The following LCT variants were observed in gnomAD, a reference collection of about 807,000 sequenced individuals.
The protein encoded by LCT is lactase/phlorizin hydrolase.
LCT carries 90 observed loss-of-function variants against 173.0 expected under a neutral mutation model. That is an observed-to-expected ratio of 0.52 (90% CI 0.44 to 0.62). The LOEUF (loss-of-function observed/expected upper bound fraction) is 0.62. LCT is among the 20% of genes least tolerant of loss of function. The pLI is 0.00. For synonymous variants in LCT, 853 were observed against 957.6 expected, an observed-to-expected ratio of 0.89 and a Z score of 2.02; for missense variants, 1,864 against 2,431.4, an observed-to-expected ratio of 0.77 and a Z score of 4.91.
intron 9 of LCT, 125 bp downstream of exon 9, chr2:135,807,003 T>G (rs989734112): frequency 1.8e-6 from 2 of 1,112,244 alleles, no homozygotes; most frequent in Admixed American, 1.9e-5. Context: ...CCAGACCCCA[T>G]GCTGCCCCTC....
At chr2:135,800,898 TG>T in intron 11 of LCT, 89 bp from the exon 12 acceptor site, 1 of 1,028,804 alleles carries the variant, frequency 9.7e-7, no homozygotes, top group Admixed American at 1.9e-5. Context: ...GTCCCCTCTG[TG>T]TTTGGGAGAA....
chr2:135,797,584 C>T (rs1036239608), intron 13 of LCT, among the ~76,000 whole-genome samples: 2 of 152,194 alleles, frequency 1.3e-5, no homozygotes, highest in African/African-American at 4.8e-5. Context: ...GATGGGTAAA[C>T]GTTGGCTGCT....
intron 9 of LCT, among the ~76,000 whole-genome samples, chr2:135,805,898 C>T (rs1032200850): frequency 6.6e-5 from 10 of 152,212 alleles, no homozygotes; most frequent in Middle Eastern, 3.4e-3. Flanking sequence ...ACATGCAGGC[C>T]GGGTGCTGTG....
At chr2:135,827,374 G>A (rs926077669) in intron 3 of LCT, among the ~76,000 whole-genome samples, 5 of 152,188 alleles carry the variant, frequency 3.3e-5, no homozygotes, top group Admixed American at 2.6e-4. Flanking sequence ...ACCTTAGGGT[G>A]TGTTTTGAGA....
chr2:135,824,012 G>A lies in LCT; in HGVS notation c.805-9C>T. 6.3e-7 allele frequency: 1 copy of A among 1,587,860 alleles called. No individual in the cohort carries two copies. Among genetic ancestry groups the A allele is most frequent in the Non-Finnish European group, 8.7e-7 (1 of 1,155,976 alleles). On this transcript the variant is annotated splice_polypyrimidine_tract_variant and intron_variant, in intron 3 of 16. Transcript: ENST00000264162. Reference sequence around the variant, plus strand: ...ACTTTTGGCTCAATGGTCTGAAAAAGAGAAGGACCAGCAAGTGAACTGAAG... The same window carrying A: ...ACTTTTGGCTCAATGGTCTGAAAAAAAGAAGGACCAGCAAGTGAACTGAAG...
intron 3 of LCT, among the ~76,000 whole-genome samples, chr2:135,826,961 C>T (rs914549320): frequency 6.6e-6 from 1 of 152,100 alleles, no homozygotes; most frequent in African/African-American, 2.4e-5. Flanking sequence ...ATGTTCCAAA[C>T]CCTTGGACTT....
chr2:135,794,919 G>T, intron 13 of LCT, 144 bp from the exon 14 acceptor site: 1 of 897,100 alleles, frequency 1.1e-6, no homozygotes, highest in Non-Finnish European at 1.8e-6. Context: ...AGGAGAAGAG[G>T]TCCTTCAGGC....
In LCT at chr2:135,817,968, C is replaced by A. The variant is rs753391989; in HGVS notation, c.1080G>T (p.Gln360His). The A allele has an allele frequency of 6.2e-7, 1 of 1,613,848 alleles. No homozygotes were observed. Residue 360 changes from glutamine to histidine, a missense_variant, in exon 6 of 17, where the codon CAG becomes CAT. Gln to His is a conservative substitution (Grantham distance 24). This residue lies in a region of LCT where 412 missense variants were observed against 462.0 expected (regional missense o/e 0.89). Coordinates refer to ENST00000264162, the MANE Select transcript of LCT (RefSeq NM_002299.4). The stretch of plus-strand genomic sequence containing the variant: ...GATTGGCAAATGCTTCCCAGATTCT[C>A]TGATAGGCAGAGGCAGGAGAGGAGT... ...TTDSSPASAY[Q>H]RIWEAFANQS...
intron 11 of LCT, among the ~76,000 whole-genome samples, chr2:135,801,254 C>T (rs1293775462): frequency 1.3e-5 from 2 of 152,130 alleles, no homozygotes; most frequent in Non-Finnish European, 2.9e-5. Flanking sequence ...CAAATCAAAT[C>T]AGATGGTGGC....
chr2:135,825,908 G>T (rs2077885587), intron 3 of LCT, among the ~76,000 whole-genome samples: 1 of 152,214 alleles, frequency 6.6e-6, no homozygotes, highest in Non-Finnish European at 1.5e-5. Context: ...AAGGTGGGCA[G>T]CACGATTCAG....
At position 135,836,017 on chromosome 2, in the gene LCT, T is replaced by C. The variant is rs1303988279; in HGVS notation, c.640+513A>G. Among the ~76,000 whole-genome samples, 15 of 11,804 alleles carry C rather than the reference T, an allele frequency of 1.3e-3. 1 individual carries two copies. Among genetic ancestry groups the C allele is most frequent in the African/African-American group, 1.9e-3 (14 of 7,400 alleles). 7.7% of individuals were successfully genotyped at this position (11,804 alleles called of 152,430 possible). On this transcript the variant is annotated intron_variant, in intron 1 of 16. Coordinates refer to ENST00000264162, the MANE Select transcript of LCT (RefSeq NM_002299.4). ...ATATATATATATATATATATATATG[T>C]ATACATATTTTTTTTTTTTGAGATT...
intron 12 of LCT, among the ~76,000 whole-genome samples, chr2:135,800,242 T>C (rs2077614358): frequency 6.6e-6 from 1 of 152,090 alleles, no homozygotes; most frequent in South Asian, 2.1e-4. Flanking sequence ...ATAATTCTTC[T>C]TTTTGGGGGT....
intron 12 of LCT, 96 bp from the exon 13 acceptor site, chr2:135,798,234 C>G (rs2077598850): frequency 1.3e-6 from 1 of 771,744 alleles, no homozygotes; most frequent in Non-Finnish European, 2.4e-6. Context: ...CTCACAACCT[C>G]CCTCCTTTTC....
intron 6 of LCT, among the ~76,000 whole-genome samples, chr2:135,815,516 A>G (rs1183477282): frequency 6.6e-6 from 1 of 152,080 alleles, no homozygotes; most frequent in African/African-American, 2.4e-5. Flanking sequence ...TTGACATTTC[A>G]TTGAGTTATT....
intron 6 of LCT, among the ~76,000 whole-genome samples, chr2:135,814,751 G>A (rs527304965): frequency 9.2e-5 from 14 of 152,134 alleles, no homozygotes; most frequent in East Asian, 7.8e-4. Flanking sequence ...CCCTGATCTC[G>A]TGATCCGCCC....
Position 135,812,823 on chromosome 2 carries a change from G to T in LCT, c.1841C>A (p.Pro614His). The T allele has an allele frequency of 6.2e-7, 1 of 1,614,208 alleles. No homozygotes were observed. The highest frequency in any genetic ancestry group is 8.5e-7 in the Non-Finnish European group (1 of 1,180,040). The change falls in exon 7 of 17, where the codon CCT (proline) becomes CAT (histidine). Residue 614 changes from proline to histidine, a missense_variant. Physicochemically the swap from Pro to His is moderately conservative, Grantham distance 77. Transcript: ENST00000264162. The part of the protein sequence containing the change: ...DWAEPLSPER[P>H]EDLRASERFL... Reference sequence around the variant, plus strand: ...GCGCTCAGAGGCTCTCAGGTCCTCAGGCCTCTCTGGAGACAGGGGTTCTGC... The same window carrying T: ...GCGCTCAGAGGCTCTCAGGTCCTCATGCCTCTCTGGAGACAGGGGTTCTGC...
intron 3 of LCT, among the ~76,000 whole-genome samples, chr2:135,828,613 C>T (rs3769008): frequency 0.21 from 32,396 of 152,078 alleles, 3,910 homozygotes; most frequent in Middle Eastern, 0.41. Flanking sequence ...AACGTGGGCA[C>T]CATCAGATAG....
chr2:135,809,686 G>T lies in LCT; in HGVS notation c.2661C>A (p.Phe887Leu). ...CTCTTTCGAACTTGGGTTGGCTGGA[G>T]AACTTTTCCCAAACGACTTTAGCCT... Reference protein sequence around the residue: ...PSKAKVVWEKFSSQPKFERDL... With the variant: ...PSKAKVVWEKLSSQPKFERDL... Residue 887 changes from phenylalanine (F) to leucine (L), a missense_variant, in exon 8 of 17, where the codon TTC (phenylalanine) becomes TTA (leucine). Physicochemically the swap from Phe to Leu is conservative, Grantham distance 22 (BLOSUM62 0). This residue lies in a region of LCT where 755 missense variants were observed against 926.3 expected (regional missense o/e 0.82). Coordinates refer to ENST00000264162, the MANE Select transcript of LCT (RefSeq NM_002299.4). The surrounding 1 kb of genome is among the most constrained non-coding windows in gnomAD (Gnocchi z 5.5). 1 of 1,614,258 alleles carries T rather than the reference G, an allele frequency of 6.2e-7. No individual in the cohort carries two copies. Among genetic ancestry groups the T allele is most frequent in the Non-Finnish European group, 8.5e-7 (1 of 1,180,046 alleles).
Position 135,807,193 on chromosome 2 carries a change from C to T in LCT, c.4108G>A (p.Asp1370Asn), listed in dbSNP as rs747723734. 1 of 1,614,240 alleles carries T rather than the reference C, an allele frequency of 6.2e-7. No individual in the cohort carries two copies. The highest frequency in any genetic ancestry group is 1.7e-5 in the Admixed American group (1 of 60,032). Residue 1370 changes from aspartate (D) to asparagine (N), a missense_variant, in exon 9 of 17, where the codon GAT (aspartate) becomes AAT (asparagine). Physicochemically the swap from Asp to Asn is conservative, Grantham distance 23. Transcript: ENST00000264162. ...TNNGMPLAREDEFLYGRFPEG... is the reference protein window; with the variant it reads ...TNNGMPLARENEFLYGRFPEG... ...GGAAACCGTCCGTACAGAAACTCAT[C>T]CTCCCTGGCCAGTGGCATGCCGTTG...
Sources: allele counts gnomAD v4.1 joint callset (sites outside exome capture counted in the v4.1 genomes callset), GRCh38; gene constraint gnomAD v4.1.1; regional missense constraint gnomAD v4.1.1; non-coding constraint Gnocchi (gnomAD v3.1); transcripts MANE v1.5; gene names NCBI Gene and HGNC (gene_info 2026-07-23, HGNC 2026-07-21).